Variants in ZNF454 observed in about 807,000 individuals in gnomAD.
ZNF454 encodes zinc finger protein 454.
Under a neutral mutation model 48.2 loss-of-function variants are expected in ZNF454, and 30 were observed. That is an observed-to-expected ratio of 0.62 (90% CI 0.47 to 0.84). The LOEUF (loss-of-function observed/expected upper bound fraction) is 0.84, where lower values mean the gene tolerates loss of function less well. ZNF454 is among the 40% of genes least tolerant of loss of function. The probability of loss-of-function intolerance (pLI) is 0.00; values close to 1 mark genes in which losing one functional copy is unlikely to be tolerated. For synonymous variants in ZNF454, 204 were observed against 211.4 expected, an observed-to-expected ratio of 0.97 and a Z score of 0.30; for missense variants, 510 against 623.1, an observed-to-expected ratio of 0.82 and a Z score of 1.93.
At chr5:178,945,357 TTGTG>T (rs913204360) in intron 2 of ZNF454, among the ~76,000 whole-genome samples, 1 of 150,274 alleles carries the variant, frequency 6.7e-6, no homozygotes, top group East Asian at 2.0e-4. Flanking sequence ...TGGATATGGG[TTGTG>T]TGTGTGTGTC....
the ZNF454 span, chr5:178,987,565 G>A: frequency 9.8e-6 from 4 of 408,060 alleles, no homozygotes; most frequent in Non-Finnish European, 5.0e-6. Flanking sequence ...TCACACATGC[G>A]CAAATACCGT....
the ZNF454 span, among the ~76,000 whole-genome samples, chr5:178,977,795 G>C: frequency 6.6e-6 from 1 of 152,126 alleles, no homozygotes; most frequent in Admixed American, 6.5e-5. Flanking sequence ...ATGTTGGCCA[G>C]GCTGGTCTTG....
rs200467892 is a variant in ZNF454 at position 178,965,098 on chromosome 5, A to G, written c.694A>G (p.Ile232Val). 1.2e-6 allele frequency: 2 copies of G among 1,614,136 alleles called. No homozygotes were observed. The highest frequency in any genetic ancestry group is 2.7e-5 in the African/African-American group (2 of 75,036). The change falls in exon 5 of 5, where the codon ATC becomes GTC. Residue 232 changes from isoleucine to valine, a missense_variant. By Grantham distance (29) the Ile-to-Val change is conservative (BLOSUM62 3). This residue lies in a region of ZNF454 where 354 missense variants were observed against 408.9 expected (regional missense o/e 0.87). Coordinates refer to ENST00000519564, the MANE Select transcript of ZNF454 (RefSeq NM_001178089.3). The surrounding 1 kb of genome is among the most constrained non-coding windows in gnomAD (Gnocchi z 5.2). Reference protein sequence around the residue: ...GKAFHQSTHLIHHQRIHTGEK... With the variant: ...GKAFHQSTHLVHHQRIHTGEK... ...AGCCTTTCACCAGAGTACGCACCTT[A>G]TCCATCACCAAAGAATTCACACTGG...
chr5:178,968,874 C>T (rs1760202002), downstream of ZNF454: 1 of 456,612 alleles, frequency 2.2e-6, no homozygotes, highest in Admixed American at 2.3e-5. Context: ...TCTCATTCAC[C>T]TCAGCCGCGG....
In ZNF454 at chr5:178,965,672, A is replaced by C. The variant is rs1384873451; in HGVS notation, c.1268A>C (p.Asp423Ala). 6.2e-7 allele frequency: 1 copy of C among 1,614,030 alleles called. No homozygotes were observed. The highest frequency in any genetic ancestry group is 1.7e-5 in the Admixed American group (1 of 60,004). Residue 423 changes from aspartate to alanine, a missense_variant, in exon 5 of 5, where the codon GAC (aspartate) becomes GCC (alanine). Asp to Ala is a moderately radical substitution (Grantham distance 126). Around this residue, in one of 3 missense-constraint regions of ZNF454, gnomAD observed 153 missense variants for 195.8 expected, o/e 0.78. Transcript: ENST00000519564. This position sits in a 1 kb window ranked among gnomAD's most constrained non-coding sequence, Gnocchi z 5.2. ...GGCTTGTGTGAGAAAGCCTTTCGGG[A>C]CCAATCAGCACTAGCCCAACATCAG... ...RCGLCEKAFRDQSALAQHQRI... is the reference protein window; with the variant it reads ...RCGLCEKAFRAQSALAQHQRI...
At chr5:178,953,767 G>A (rs1273326338) in intron 4 of ZNF454, among the ~76,000 whole-genome samples, 1 of 152,126 alleles carries the variant, frequency 6.6e-6, no homozygotes, top group African/African-American at 2.4e-5. Context: ...CTGGACCTCA[G>A]GCTGCTGTTA....
At chr5:178,989,601 G>A in the ZNF454 span, 1 of 665,198 alleles carries the variant, frequency 1.5e-6, no homozygotes, top group South Asian at 1.7e-5. Context: ...GGAGTGGCCA[G>A]GTGAGCTAGG....
intron 4 of ZNF454, among the ~76,000 whole-genome samples, chr5:178,955,952 C>T (rs751236322): frequency 1.3e-5 from 2 of 152,166 alleles, no homozygotes; most frequent in Non-Finnish European, 2.9e-5. Context: ...GCTCCTGTGC[C>T]ATGACCTGGA....
In ZNF454 at chr5:178,946,868, G is replaced by T; in HGVS notation, c.161-29G>T. On this transcript the variant is annotated intron_variant, in intron 3 of 4. Coordinates refer to ENST00000519564, the MANE Select transcript of ZNF454 (RefSeq NM_001178089.3). This position sits in a 1 kb window ranked among gnomAD's most constrained non-coding sequence, Gnocchi z 4.5. The stretch of plus-strand genomic sequence containing the variant: ...TTTTATCTCTCGTATAAACAGATGT[G>T]GTTCATTTTTGTCTCCCCTTAAAAA... The T allele has an allele frequency of 1.9e-6, 3 of 1,583,596 alleles. No individual in the cohort carries two copies. The highest frequency in any genetic ancestry group is 2.6e-6 in the Non-Finnish European group (3 of 1,153,502).
chr5:178,989,615 G>A, the ZNF454 span: 2 of 635,900 alleles, frequency 3.1e-6, no homozygotes, highest in Non-Finnish European at 5.6e-6. Context: ...AGCTAGGCGT[G>A]GCCAGGTGAC....
chr5:178,989,699 G>A, the ZNF454 span: 4 of 510,396 alleles, frequency 7.8e-6, no homozygotes, highest in South Asian at 2.1e-5. Flanking sequence ...CAAACTCAGA[G>A]CCTCACCATT....
intron 4 of ZNF454, among the ~76,000 whole-genome samples, chr5:178,955,035 A>C (rs1197786458): frequency 6.6e-6 from 1 of 152,214 alleles, no homozygotes; most frequent in African/African-American, 2.4e-5. Flanking sequence ...TGGATAGTTT[A>C]CATGTTTTTT....
chr5:178,981,657 C>T, the ZNF454 span: 4 of 1,612,374 alleles, frequency 2.5e-6, no homozygotes, highest in Non-Finnish European at 3.4e-6. This position sits in a 1 kb window ranked among gnomAD's most constrained non-coding sequence, Gnocchi z 5.1. Flanking sequence ...ACCTGCCCTG[C>T]TACTTGTGGG....
At chr5:178,970,634 G>A (rs1760222250), downstream of ZNF454, among the ~76,000 whole-genome samples, 1 of 152,040 alleles carries the variant, frequency 6.6e-6, no homozygotes, top group Non-Finnish European at 1.5e-5. Flanking sequence ...GCTAATTTTT[G>A]TATTTTTAGT....
the ZNF454 span, chr5:178,985,629 GA>G: frequency 8.1e-6 from 3 of 372,398 alleles, no homozygotes; most frequent in Non-Finnish European, 1.6e-5. Context: ...CGTGAACCCG[GA>G]AGGCAGAGCT....
chr5:178,974,693 G>T, the ZNF454 span, among the ~76,000 whole-genome samples: 3 of 152,146 alleles, frequency 2.0e-5, no homozygotes, highest in African/African-American at 7.2e-5. Context: ...CAGGCACTGT[G>T]CATTGTTCCT....
rs772227257 is a variant in ZNF454, at chr5:178,946,768, A to ACAGG, written c.161-128_161-127insAGGC. ...AATCTTTTCCTCCCTCTGGGAACAC[A>ACAGG]CCTGACCCTGGGCTTTCCTATCAAG... On this transcript the variant is annotated intron_variant, in intron 3 of 4. Transcript: ENST00000519564. This position sits in a 1 kb window ranked among gnomAD's most constrained non-coding sequence, Gnocchi z 4.5. 4.7e-5 allele frequency: 41 copies of ACAGG among 877,272 alleles called. No individual in the cohort carries two copies. Among genetic ancestry groups the ACAGG allele is most frequent in the Non-Finnish European group, 6.7e-5 (37 of 550,148 alleles). 54.3% of individuals were successfully genotyped at this position (877,272 alleles called of 1,614,324 possible). A position where few individuals can be genotyped will look rare whatever the true frequency, so the allele number is the denominator to read the frequency against.
At chr5:178,989,035 C>A in the ZNF454 span, 1 of 1,614,042 alleles carries the variant, frequency 6.2e-7, no homozygotes, top group Non-Finnish European at 8.5e-7. Flanking sequence ...GCGCCTGGTG[C>A]ATGCTGTGGA....
chr5:178,989,503 C>T, the ZNF454 span: 4 of 1,492,176 alleles, frequency 2.7e-6, no homozygotes, highest in Non-Finnish European at 3.7e-6. Flanking sequence ...CTAGGAGTGG[C>T]CAGGTGAGCT....
Sources: allele counts gnomAD v4.1 joint callset (sites outside exome capture counted in the v4.1 genomes callset), GRCh38; gene constraint gnomAD v4.1.1; regional missense constraint gnomAD v4.1.1; non-coding constraint Gnocchi (gnomAD v3.1); transcripts MANE v1.5; gene names NCBI Gene and HGNC (gene_info 2026-07-23, HGNC 2026-07-21).